The following OR9Q1 variants were observed in gnomAD, a reference collection of about 807,000 sequenced individuals.
OR9Q1 encodes the protein olfactory receptor family 9 subfamily Q member 1, also known as olfactory receptor 9Q1.
For missense variants in OR9Q1, 374 were observed against 378.8 expected, an observed-to-expected ratio of 0.99 and a Z score of 0.11; for synonymous variants, 153 against 148.6, an observed-to-expected ratio of 1.03 and a Z score of -0.22.
intron 2 of OR9Q1, among the ~76,000 whole-genome samples, chr11:58,153,128 T>C (rs981944268): frequency 6.6e-6 from 1 of 152,184 alleles, no homozygotes; most frequent in African/African-American, 2.4e-5. Context: ...TTTTATCCTC[T>C]AAAAGAAATA....
intron 2 of OR9Q1, among the ~76,000 whole-genome samples, chr11:58,152,270 A>G (rs1854360608): frequency 6.6e-6 from 1 of 152,172 alleles, no homozygotes; most frequent in African/African-American, 2.4e-5. Flanking sequence ...TTTTATTTTA[A>G]AGCTTTATTT....
chr11:58,033,334 C>T (rs1853062726), intron 1 of OR9Q1, among the ~76,000 whole-genome samples: 1 of 152,010 alleles, frequency 6.6e-6, no homozygotes, highest in African/African-American at 2.4e-5. Context: ...TTTGCAATAA[C>T]AAAGAGATGG....
intron 2 of OR9Q1, among the ~76,000 whole-genome samples, chr11:58,128,885 GCAAAT>G (rs1474711087): frequency 6.6e-6 from 1 of 151,926 alleles, no homozygotes; most frequent in Non-Finnish European, 1.5e-5. Context: ...CATAAAAAAG[GCAAAT>G]CAAATACTAA....
chr11:58,063,978 A>C (rs67305834), intron 2 of OR9Q1, among the ~76,000 whole-genome samples: 32,527 of 152,124 alleles, frequency 0.21, 4,046 homozygotes, highest in Middle Eastern at 0.38. Flanking sequence ...CCTGGGTTAT[A>C]AATCTTAGAT....
At chr11:58,034,762 C>CCTTCCTTCCTTCCTTCCTT in intron 1 of OR9Q1, among the ~76,000 whole-genome samples, 1 of 140,670 alleles carries the variant, frequency 7.1e-6, no homozygotes, top group Non-Finnish European at 1.5e-5. Flanking sequence ...TTCCTTCCTT[C>CCTTCCTTCCTTCCTTCCTT]CTTCCTTCTT....
intron 1 of OR9Q1, among the ~76,000 whole-genome samples, chr11:58,042,693 GT>G (rs1590551448): frequency 6.6e-6 from 1 of 152,102 alleles, no homozygotes; most frequent in Non-Finnish European, 1.5e-5. Context: ...AAAGTCATTG[GT>G]AGCTTGATGG....
chr11:58,118,652 C>G (rs1162248535), intron 2 of OR9Q1: 1 of 1,613,964 alleles, frequency 6.2e-7, no homozygotes. Context: ...AGAGATTTGC[C>G]TGAGCCACTT....
intron 2 of OR9Q1, among the ~76,000 whole-genome samples, chr11:58,151,769 C>T (rs1165225794): frequency 6.8e-6 from 1 of 147,422 alleles, no homozygotes. Flanking sequence ...TTTTCGGCCC[C>T]CAGACCATTT....
chr11:58,041,894 A>G (rs938204358), intron 1 of OR9Q1, among the ~76,000 whole-genome samples: 3 of 152,202 alleles, frequency 2.0e-5, no homozygotes, highest in Non-Finnish European at 1.5e-5. Flanking sequence ...GCTGCTTATC[A>G]TGCATCAGAC....
At chr11:58,122,006 G>T (rs188280305) in intron 2 of OR9Q1, among the ~76,000 whole-genome samples, 4 of 152,300 alleles carry the variant, frequency 2.6e-5, no homozygotes, top group African/African-American at 9.6e-5. Context: ...AGGTCCTCTG[G>T]CTTCCATGGG....
chr11:58,100,774 T>A (rs934597647), intron 2 of OR9Q1, among the ~76,000 whole-genome samples: 2 of 152,172 alleles, frequency 1.3e-5, no homozygotes, highest in African/African-American at 4.8e-5. Flanking sequence ...CATCAATGGA[T>A]GAATGGATGA....
At chr11:58,024,822 C>T (rs1399280136) in intron 1 of OR9Q1, among the ~76,000 whole-genome samples, 1 of 152,152 alleles carries the variant, frequency 6.6e-6, no homozygotes, top group Non-Finnish European at 1.5e-5. Context: ...TTCCTCCAGC[C>T]TTGGCGGGGC....
intron 2 of OR9Q1, among the ~76,000 whole-genome samples, chr11:58,166,275 A>G (rs1854503748): frequency 6.6e-6 from 1 of 152,248 alleles, no homozygotes; most frequent in African/African-American, 2.4e-5. Flanking sequence ...GGATACATGC[A>G]AAGTAAAAAA....
intron 2 of OR9Q1, among the ~76,000 whole-genome samples, chr11:58,114,618 T>C (rs1853933255): frequency 6.6e-6 from 1 of 152,156 alleles, no homozygotes. Context: ...ATGATATACT[T>C]TCCCATGCTT....
chr11:58,063,123 G>A lies in OR9Q1; in HGVS notation c.-15+7176G>A, dbSNP rs200158043. 1.3e-3 allele frequency among the ~76,000 whole-genome samples: 204 copies of A among 152,258 alleles called. 1 individual carries two copies. The highest frequency in any genetic ancestry group is 4.8e-3 in the African/African-American group (198 of 41,558). On this transcript the variant is annotated intron_variant, in intron 2 of 2. Coordinates refer to ENST00000335397, the MANE Select transcript of OR9Q1 (RefSeq NM_001005212.4). ...AAATAGTAACCAGTACAAAAAGAGG[G>A]AGCAGTTTCATATAGGGCAGTTTCC...
intron 1 of OR9Q1, among the ~76,000 whole-genome samples, chr11:58,034,074 C>CTTT (rs61109050): frequency 8.2e-5 from 5 of 61,146 alleles, no homozygotes; most frequent in African/African-American, 2.0e-4. Context: ...TCAGCACTTG[C>CTTT]TTTTTTTTTT....
intron 2 of OR9Q1, among the ~76,000 whole-genome samples, chr11:58,178,988 T>TAGAG (rs150590790): frequency 9.1e-6 from 1 of 110,238 alleles, no homozygotes; most frequent in Non-Finnish European, 1.8e-5. Flanking sequence ...TTATATATTA[T>TAGAG]AGAGAGAGAG....
rs554371086 is a variant in OR9Q1 at position 58,137,362 on chromosome 11, T to C, written c.-14-42069T>C. On this transcript the variant is annotated intron_variant, in intron 2 of 2. Coordinates refer to ENST00000335397, the MANE Select transcript of OR9Q1 (RefSeq NM_001005212.4). The stretch of plus-strand genomic sequence containing the variant: ...GCCCTCCGGGGGTGCAGGCTCCCTG[T>C]TATAGTTTGATTCTGATGAGACCCC... 8.5e-5 allele frequency among the ~76,000 whole-genome samples: 13 copies of C among 152,212 alleles called. 1 individual carries two copies. Among genetic ancestry groups the C allele is most frequent in the Admixed American group, 2.0e-4 (3 of 15,286 alleles).
intron 2 of OR9Q1, among the ~76,000 whole-genome samples, chr11:58,161,826 C>G (rs1331856309): frequency 6.6e-6 from 1 of 152,204 alleles, no homozygotes; most frequent in African/African-American, 2.4e-5. Context: ...GCCACCGCAC[C>G]CGGCCCTCTG....
Sources: allele counts gnomAD v4.1 joint callset (sites outside exome capture counted in the v4.1 genomes callset), GRCh38; gene constraint gnomAD v4.1.1; transcripts MANE v1.5; gene names NCBI Gene and HGNC (gene_info 2026-07-23, HGNC 2026-07-21).